SAP130: variants seen among roughly 807,000 people sequenced by gnomAD.
SAP130 encodes histone deacetylase complex subunit SAP130.
Under a neutral mutation model 103.2 loss-of-function variants are expected in SAP130, and 16 were observed. That is an observed-to-expected ratio of 0.16 (90% CI 0.10 to 0.24). The LOEUF (loss-of-function observed/expected upper bound fraction) is 0.24, where lower values mean the gene tolerates loss of function less well. SAP130 is among the 10% of genes least tolerant of loss of function. The pLI, the probability that SAP130 is intolerant of heterozygous loss-of-function variation, is 1.00. For synonymous variants in SAP130, 477 were observed against 497.0 expected (o/e 0.96, Z 0.53); for missense variants, 990 against 1,359.7 (o/e 0.73, Z 4.28).
chr2:127,970,539 CT>C (rs1470832735), intron 15 of SAP130, among the ~76,000 whole-genome samples: 3 of 33,064 alleles, frequency 9.1e-5, no homozygotes, highest in South Asian at 8.5e-4. Context: ...AAGACTCTGT[CT>C]TAAAAAAAAA....
At chr2:127,966,699 G>A (rs139072511) in intron 15 of SAP130, among the ~76,000 whole-genome samples, 109 of 150,770 alleles carry the variant, frequency 7.2e-4, no homozygotes, top group Non-Finnish European at 1.2e-3. Flanking sequence ...GTGAAATTCC[G>A]TCTCATGAAA....
At chr2:128,027,238 G>A in intron 1 of SAP130, 3 of 1,190,224 alleles carry the variant, frequency 2.5e-6, no homozygotes, top group South Asian at 4.3e-5. Flanking sequence ...CTGCTGTCCA[G>A]CCCCGCTGGC....
At chr2:128,021,114 C>A (rs967616637) in intron 2 of SAP130, among the ~76,000 whole-genome samples, 2 of 152,066 alleles carry the variant, frequency 1.3e-5, no homozygotes, top group East Asian at 3.9e-4. Context: ...GTCCAATGAT[C>A]TCTTCAGGAA....
intron 15 of SAP130, among the ~76,000 whole-genome samples, chr2:127,964,816 G>C (rs1652540883): frequency 6.6e-6 from 1 of 152,038 alleles, no homozygotes; most frequent in South Asian, 2.1e-4. Context: ...GGCCAACATG[G>C]TGAAACCCCG....
intron 15 of SAP130, among the ~76,000 whole-genome samples, chr2:127,971,613 C>T (rs551858774): frequency 2.6e-5 from 4 of 152,242 alleles, no homozygotes; most frequent in East Asian, 1.9e-4. Flanking sequence ...CTATCTTCCA[C>T]GGCCAATACT....
At position 127,953,551 on chromosome 2, in the gene SAP130, C is replaced by T. The variant is rs1679630822; in HGVS notation, c.2422+1435G>A. Reference sequence around the variant, plus strand: ...CAAAACCTTTACAACAGCCTGTGGGCCCTGTTCTACCATGATCTGATCCTG... The same window carrying T: ...CAAAACCTTTACAACAGCCTGTGGGTCCTGTTCTACCATGATCTGATCCTG... On this transcript the variant is annotated intron_variant, in intron 16 of 20. Transcript: ENST00000643581. The surrounding 1 kb of genome is among the most constrained non-coding windows in gnomAD (Gnocchi z 4.0). Among the ~76,000 whole-genome samples the T allele has an allele frequency of 6.6e-6, 1 of 152,178 alleles. No homozygotes were observed. Among genetic ancestry groups the T allele is most frequent in the African/African-American group, 2.4e-5 (1 of 41,444 alleles).
intron 15 of SAP130, among the ~76,000 whole-genome samples, chr2:127,969,995 C>T (rs1007624034): frequency 3.9e-5 from 6 of 152,030 alleles, no homozygotes; most frequent in South Asian, 2.1e-4. Flanking sequence ...TCTGGGAGGC[C>T]GAGGTGGGCG....
rs997795755 is a variant in SAP130 at position 127,986,960 on chromosome 2, C to G, written c.1783G>C (p.Val595Leu). 6.2e-7 allele frequency: 1 copy of G among 1,611,342 alleles called. No homozygotes were observed. The highest frequency in any genetic ancestry group is 1.3e-5 in the African/African-American group (1 of 74,986). Reference protein sequence around the residue: ...QPQPEGKTSAVVLADGATIVA... With the variant: ...QPQPEGKTSALVLADGATIVA... ...ATTGTGGCTCCATCTGCCAACACCACTGCTACAGGAGAGAGGCAACAGGAA... is the reference window on the plus strand; with the variant it reads ...ATTGTGGCTCCATCTGCCAACACCAGTGCTACAGGAGAGAGGCAACAGGAA... The change falls in exon 14 of 21, where the codon GTG (valine) becomes CTG (leucine). Residue 595 changes from valine to leucine, a missense_variant and splice_region_variant. This residue lies in a region of SAP130 where 349 missense variants were observed against 384.1 expected (regional missense o/e 0.91). Coordinates refer to ENST00000643581, the MANE Select transcript of SAP130 (RefSeq NM_001330301.2). The surrounding 1 kb of genome is among the most constrained non-coding windows in gnomAD (Gnocchi z 4.7).
At chr2:127,946,310 C>T (rs1425378682) in intron 18 of SAP130, among the ~76,000 whole-genome samples, 1 of 152,164 alleles carries the variant, frequency 6.6e-6, no homozygotes, top group African/African-American at 2.4e-5. Context: ...AAGATATAGC[C>T]TAGACTATGT....
intron 2 of SAP130, among the ~76,000 whole-genome samples, chr2:128,021,425 C>T (rs557647448): frequency 2.1e-5 from 3 of 140,078 alleles, no homozygotes; most frequent in Non-Finnish European, 4.5e-5. Flanking sequence ...ACAGCCTGGG[C>T]GACAGAACAA....
intron 2 of SAP130, among the ~76,000 whole-genome samples, chr2:128,023,152 G>A (rs1447120183): frequency 2.0e-5 from 3 of 151,942 alleles, no homozygotes; most frequent in African/African-American, 7.3e-5. Context: ...CCACCACCAC[G>A]CCCAGCTAAT....
In SAP130 at chr2:128,026,934, C is replaced by CCT. The variant is rs368993904; in HGVS notation, c.-6-637_-6-636insAG. ...TTCCCTCAGGAGCCAAGCGATCTCC[C>CCT]GATTCGCCCGCAACCCCACCCCACC... On this transcript the variant is annotated intron_variant, in intron 1 of 20. Transcript: ENST00000643581. 3.3e-4 allele frequency among the ~76,000 whole-genome samples: 51 copies of CCT among 152,308 alleles called. 1 individual carries two copies. In the South Asian group the frequency reaches 6.4e-3, roughly 19 times the overall value.
chr2:128,007,623 A>G (rs539188568), intron 7 of SAP130, among the ~76,000 whole-genome samples: 1 of 152,368 alleles, frequency 6.6e-6, no homozygotes, highest in African/African-American at 2.4e-5. Flanking sequence ...TAACTGCCAC[A>G]AAGTAAAGTA....
chr2:128,003,525 TGG>T (rs1683723689), intron 7 of SAP130, among the ~76,000 whole-genome samples: 1 of 149,798 alleles, frequency 6.7e-6, no homozygotes, highest in African/African-American at 2.4e-5. Flanking sequence ...CCTGAGTACC[TGG>T]GACTACAGGT....
At chr2:127,978,336 G>A (rs1431924253) in intron 14 of SAP130, among the ~76,000 whole-genome samples, 2 of 151,456 alleles carry the variant, frequency 1.3e-5, no homozygotes, top group African/African-American at 4.8e-5. Context: ...CTTCCTGCCA[G>A]GCTCCCTCCA....
At chr2:127,983,279 A>G (rs1396827366) in intron 14 of SAP130, among the ~76,000 whole-genome samples, 1 of 152,232 alleles carries the variant, frequency 6.6e-6, no homozygotes, top group African/African-American at 2.4e-5. Context: ...ATGTTATTTC[A>G]TTTTAATTAA....
chr2:128,018,155 CT>C (rs1304199799), intron 2 of SAP130, among the ~76,000 whole-genome samples: 3 of 151,904 alleles, frequency 2.0e-5, no homozygotes, highest in African/African-American at 7.3e-5. Flanking sequence ...AACAAACTAC[CT>C]GAAAATCATC....
Position 127,978,153 on chromosome 2 carries a change from C to T in SAP130, c.1959-64G>A, listed in dbSNP as rs918171115. 4 of 1,200,896 alleles carry T rather than the reference C, an allele frequency of 3.3e-6. No individual in the cohort carries two copies. The Admixed American group carries it at 7.9e-5, about 24-fold the overall frequency. The allele number at this position is 1,200,896 out of a possible 1,614,324, so 74.4% of individuals were successfully genotyped here. A position where few individuals can be genotyped will look rare whatever the true frequency, so the allele number is the denominator to read the frequency against. ...CAAGGGCATTCAAGGCTAAGAAATACAGGATGCACATTTGCCAGGCATACC... is the reference window on the plus strand; with the variant it reads ...CAAGGGCATTCAAGGCTAAGAAATATAGGATGCACATTTGCCAGGCATACC... On this transcript the variant is annotated intron_variant, in intron 14 of 20. Coordinates refer to ENST00000643581, the MANE Select transcript of SAP130 (RefSeq NM_001330301.2).
intron 15 of SAP130, among the ~76,000 whole-genome samples, chr2:127,967,850 G>A (rs905672060): frequency 2.4e-4 from 36 of 152,126 alleles, no homozygotes; most frequent in Admixed American, 2.3e-3. Context: ...CATTCTTCTC[G>A]AGGGCACATG....
Sources: allele counts gnomAD v4.1 joint callset (sites outside exome capture counted in the v4.1 genomes callset), GRCh38; gene constraint gnomAD v4.1.1; regional missense constraint gnomAD v4.1.1; non-coding constraint Gnocchi (gnomAD v3.1); transcripts MANE v1.5; gene names NCBI Gene and HGNC (gene_info 2026-07-23, HGNC 2026-07-21).